TTC17: variants seen among roughly 807,000 people sequenced by gnomAD.
TTC17 encodes tetratricopeptide repeat domain 17, also known as tetratricopeptide repeat protein 17.
In TTC17, 58 loss-of-function variants were observed where a neutral mutation model predicts 143.8. The observed-to-expected ratio is 0.40, with a 90% CI of 0.33 to 0.50. The LOEUF is 0.50. Ranked by LOEUF, TTC17 falls within the 20% of genes least tolerant of loss-of-function variation. The pLI, the probability that TTC17 is intolerant of heterozygous loss-of-function variation, is 0.49. For missense variants in TTC17, 1,273 were observed against 1,392.5 expected, an observed-to-expected ratio of 0.91 and a Z score of 1.37; for synonymous variants, 501 against 497.8, an observed-to-expected ratio of 1.01 and a Z score of -0.09.
intron 21 of TTC17, among the ~76,000 whole-genome samples, chr11:43,474,701 C>G (rs1394403518): frequency 6.6e-6 from 1 of 152,168 alleles, no homozygotes; most frequent in Admixed American, 6.5e-5. Flanking sequence ...AGTTTAAAAT[C>G]CACATATAAC....
At chr11:43,382,770 G>A (rs1857019873) in intron 2 of TTC17, among the ~76,000 whole-genome samples, 1 of 152,122 alleles carries the variant, frequency 6.6e-6, no homozygotes, top group Admixed American at 6.5e-5. Context: ...CAATATTCAG[G>A]AAATACAGAA....
intron 21 of TTC17, chr11:43,466,301 T>C (rs534233235): frequency 2.0e-5 from 3 of 152,310 alleles, no homozygotes; most frequent in African/African-American, 7.2e-5. Flanking sequence ...ATGTAGAAAT[T>C]AGAACACCTG....
In TTC17 at chr11:43,400,177, G is replaced by A. The variant is rs941135717; in HGVS notation, c.1219+129G>A. The stretch of plus-strand genomic sequence containing the variant: ...TTTATGACTTCCCTACATCTCGAAA[G>A]CATGATTCATCACTGTGGGTATACC... On this transcript the variant is annotated intron_variant, in intron 9 of 23. Transcript: ENST00000039989. 3.8e-5 allele frequency: 40 copies of A among 1,048,032 alleles called. No individual in the cohort carries two copies. In the African/African-American group the frequency reaches 4.7e-4, roughly 12 times the overall value. 64.9% of individuals were successfully genotyped at this position (1,048,032 alleles called of 1,614,324 possible). A position where few individuals can be genotyped will look rare whatever the true frequency, so the allele number is the denominator to read the frequency against.
At chr11:43,404,351 A>G (rs1223442145) in intron 11 of TTC17, among the ~76,000 whole-genome samples, 1 of 152,220 alleles carries the variant, frequency 6.6e-6, no homozygotes, top group African/African-American at 2.4e-5. Context: ...TTCCCAGTCA[A>G]GTAGAGCAGA....
At chr11:43,378,051 G>A (rs1007142097) in intron 1 of TTC17, among the ~76,000 whole-genome samples, 15 of 152,168 alleles carry the variant, frequency 9.9e-5, no homozygotes, top group African/African-American at 3.6e-4. Flanking sequence ...CTACAGTCCT[G>A]CGCCACCATG....
intron 16 of TTC17, among the ~76,000 whole-genome samples, chr11:43,425,133 A>C (rs1391523232): frequency 6.6e-6 from 1 of 152,096 alleles, no homozygotes; most frequent in African/African-American, 2.4e-5. Context: ...TTAGATAGCA[A>C]GCATTTATAC....
intron 16 of TTC17, among the ~76,000 whole-genome samples, chr11:43,428,923 T>G (rs1271972927): frequency 1.3e-5 from 2 of 152,220 alleles, no homozygotes; most frequent in Non-Finnish European, 2.9e-5. Context: ...TCTTTGCCAT[T>G]GTACTTTTGA....
chr11:43,444,154 T>C lies in TTC17; in HGVS notation c.2610T>C (p.Arg870=). 6.2e-7 allele frequency: 1 copy of C among 1,613,290 alleles called. No individual in the cohort carries two copies. The highest frequency in any genetic ancestry group is 8.5e-7 in the Non-Finnish European group (1 of 1,179,618). Residue 870 remains arginine (R), a synonymous_variant, in exon 18 of 24, where the codon CGT becomes CGC. Coordinates refer to ENST00000039989, the MANE Select transcript of TTC17 (RefSeq NM_018259.6). ...CAGGTCAGATAGAAAATGGACATCGTTACCAAGCAAACCTAGAGATCACTG... is the reference window on the plus strand; with the variant it reads ...CAGGTCAGATAGAAAATGGACATCGCTACCAAGCAAACCTAGAGATCACTG... ...VETGQIENGH[R]YQANLEITGP...
intron 16 of TTC17, among the ~76,000 whole-genome samples, chr11:43,438,294 A>T (rs954391617): frequency 2.0e-5 from 3 of 152,136 alleles, no homozygotes; most frequent in African/African-American, 7.2e-5. Context: ...AGTAACTGGG[A>T]TTACAGGTGC....
At position 43,414,570 on chromosome 11, in the gene TTC17, C is replaced by T. The variant is rs767486521; in HGVS notation, c.2065-20C>T. On this transcript the variant is annotated intron_variant, in intron 15 of 23. Transcript: ENST00000039989. ...AAATATTAGTTCATTAACATTTTGC[C>T]GATTTTTTTTTCTTTTCAGCCTCTG... 19 of 1,583,266 alleles carry T rather than the reference C, an allele frequency of 1.2e-5. No homozygotes were observed. Among genetic ancestry groups the T allele is most frequent in the East Asian group, 4.5e-5 (2 of 44,504 alleles).
At chr11:43,382,755 G>A (rs928686564) in intron 2 of TTC17, among the ~76,000 whole-genome samples, 3 of 152,152 alleles carry the variant, frequency 2.0e-5, no homozygotes, top group African/African-American at 7.2e-5. Context: ...TCTAGATCCT[G>A]CTGTCAATAT....
In TTC17 at chr11:43,404,020, C is replaced by G; in HGVS notation, c.1355C>G (p.Ser452Cys). The G allele has an allele frequency of 1.9e-6, 3 of 1,609,210 alleles. No individual in the cohort carries two copies. The highest frequency in any genetic ancestry group is 2.5e-6 in the Non-Finnish European group (3 of 1,178,040). ...YVQFGEDSST[S>C]SMMSVNFDVQ... is the part of the protein sequence containing the mutation. Reference sequence around the variant, plus strand: ...TAGTTTGGTGAGGATTCATCAACCTCCAGTATGATGTCTGTGAACTTTGAT... The same window carrying G: ...TAGTTTGGTGAGGATTCATCAACCTGCAGTATGATGTCTGTGAACTTTGAT... The change falls in exon 11 of 24, where the codon TCC (serine) becomes TGC (cysteine). Residue 452 changes from serine to cysteine, a missense_variant. Coordinates refer to ENST00000039989, the MANE Select transcript of TTC17 (RefSeq NM_018259.6).
rs949791611 is a variant in TTC17, at chr11:43,494,153, T to C, written c.*249T>C. 6 of 400,802 alleles carry C rather than the reference T, an allele frequency of 1.5e-5. No individual in the cohort carries two copies. Among genetic ancestry groups the C allele is most frequent in the Non-Finnish European group, 2.2e-5 (5 of 225,894 alleles). The allele number at this position is 400,802 out of a possible 1,614,324, so 24.8% of individuals were successfully genotyped here. A position where few individuals can be genotyped will look rare whatever the true frequency, so the allele number is the denominator to read the frequency against. ...AAAAGGAAAGTGCAGCTTCAAGATA[T>C]TGTGTAAATACTGAGCCAAGACATT... On this transcript the variant is annotated 3_prime_UTR_variant, in exon 24 of 24. Coordinates refer to ENST00000039989, the MANE Select transcript of TTC17 (RefSeq NM_018259.6).
chr11:43,428,594 T>C (rs987695488), intron 16 of TTC17, among the ~76,000 whole-genome samples: 2 of 152,234 alleles, frequency 1.3e-5, no homozygotes, highest in Admixed American at 6.5e-5. Flanking sequence ...GCCAGATTTA[T>C]AGCCAGTTCT....
chr11:43,373,779 G>A (rs1281031249), intron 1 of TTC17, among the ~76,000 whole-genome samples: 3 of 152,040 alleles, frequency 2.0e-5, no homozygotes, highest in Non-Finnish European at 4.4e-5. Context: ...ATACTTTTAC[G>A]GTAACGTTAA....
intron 10 of TTC17, 58 bp from the exon 11 acceptor site, chr11:43,403,938 TTA>T: frequency 6.9e-7 from 1 of 1,450,742 alleles, no homozygotes; most frequent in Admixed American, 2.4e-5. Flanking sequence ...GTGAGTTAAA[TTA>T]TAATCACAAC....
intron 5 of TTC17, chr11:43,395,539 C>T (rs1050089133): frequency 1.3e-5 from 2 of 152,296 alleles, no homozygotes; most frequent in Admixed American, 6.5e-5. Flanking sequence ...ACTGAAACCT[C>T]GGCCACAAGT....
At chr11:43,369,263 G>A (rs909960541) in intron 1 of TTC17, among the ~76,000 whole-genome samples, 3 of 152,184 alleles carry the variant, frequency 2.0e-5, no homozygotes, top group Admixed American at 1.3e-4. Flanking sequence ...TAACTTGCTT[G>A]TCAATTAGGA....
At position 43,479,239 on chromosome 11, in the gene TTC17, C is replaced by CAA. The variant is rs1456256911; in HGVS notation, c.3031-10994_3031-10993dup. On this transcript the variant is annotated intron_variant, in intron 21 of 23. Transcript: ENST00000039989. ...TGGGTGACAGAGCGAGACTCCATCT[C>CAA]AAAAAAAGAAAAAAAAAAGTTCCTT... Among the ~76,000 whole-genome samples, 102 of 147,168 alleles carry CAA rather than the reference C, an allele frequency of 6.9e-4. 1 individual carries two copies. The highest frequency in any genetic ancestry group is 1.5e-3 in the African/African-American group (62 of 40,126).
Sources: allele counts gnomAD v4.1 joint callset (sites outside exome capture counted in the v4.1 genomes callset), GRCh38; gene constraint gnomAD v4.1.1; transcripts MANE v1.5; gene names NCBI Gene and HGNC (gene_info 2026-07-23, HGNC 2026-07-21).